The following HCN1 variants were observed in gnomAD, a reference collection of about 807,000 sequenced individuals.
The protein encoded by HCN1 is potassium/sodium hyperpolarization-activated cyclic nucleotide-gated channel 1.
A neutral mutation model predicts 78.9 loss-of-function variants in HCN1; 13 were observed. The ratio of observed to expected loss-of-function variants is 0.16; its 90% CI spans 0.11 to 0.26. The LOEUF is 0.26. Ranked by LOEUF, HCN1 falls within the 10% of genes least tolerant of loss-of-function variation. The probability of loss-of-function intolerance (pLI) is 1.00; values close to 1 mark genes in which losing one functional copy is unlikely to be tolerated. For missense variants in HCN1, 810 were observed against 1,154.3 expected, an observed-to-expected ratio of 0.70 and a Z score of 4.32; for synonymous variants, 552 against 455.5, an observed-to-expected ratio of 1.21 and a Z score of -2.70.
chr5:45,380,627 A>C (rs1442315836), intron 4 of HCN1, among the ~76,000 whole-genome samples: 1 of 152,094 alleles, frequency 6.6e-6, no homozygotes, highest in Non-Finnish European at 1.5e-5. Context: ...TTATGACAAA[A>C]AATAAAAACT....
At chr5:45,268,070 A>C (rs1744895710) in intron 6 of HCN1, among the ~76,000 whole-genome samples, 1 of 152,194 alleles carries the variant, frequency 6.6e-6, no homozygotes, top group African/African-American at 2.4e-5. Context: ...TGATCAAACA[A>C]AGCTAGACCA....
intron 2 of HCN1, among the ~76,000 whole-genome samples, chr5:45,548,806 T>A (rs1030525550): frequency 1.3e-5 from 2 of 152,070 alleles, no homozygotes; most frequent in African/African-American, 2.4e-5. Flanking sequence ...AGTCTCAGGA[T>A]ACAAAATCAA....
chr5:45,508,735 A>C (rs1346849889), intron 2 of HCN1, among the ~76,000 whole-genome samples: 4 of 152,174 alleles, frequency 2.6e-5, no homozygotes, highest in African/African-American at 9.7e-5. Flanking sequence ...CTAATAAAAA[A>C]GATTGTTTTA....
chr5:45,572,227 G>A (rs902006558), intron 2 of HCN1, among the ~76,000 whole-genome samples: 2 of 152,098 alleles, frequency 1.3e-5, no homozygotes, highest in Admixed American at 6.6e-5. Flanking sequence ...CATTCTAAAG[G>A]ATTTTAAATC....
chr5:45,378,039 A>G (rs1042194325), intron 4 of HCN1, among the ~76,000 whole-genome samples: 2 of 151,956 alleles, frequency 1.3e-5, no homozygotes, highest in African/African-American at 4.8e-5. Flanking sequence ...GGTCCAAAGG[A>G]GATTAATACA....
intron 3 of HCN1, among the ~76,000 whole-genome samples, chr5:45,446,506 G>A (rs1437732275): frequency 2.0e-5 from 3 of 152,106 alleles, no homozygotes; most frequent in Non-Finnish European, 4.4e-5. Context: ...AGCAAGGCAG[G>A]CCAACATTCA....
chr5:45,632,866 T>C (rs900526444), intron 2 of HCN1, among the ~76,000 whole-genome samples: 1 of 152,044 alleles, frequency 6.6e-6, no homozygotes, highest in Non-Finnish European at 1.5e-5. Flanking sequence ...AATATACTCA[T>C]GGAAAATGTG....
chr5:45,266,948 A>T, intron 7 of HCN1, 141 bp downstream of exon 7: 1 of 726,886 alleles, frequency 1.4e-6, no homozygotes, highest in Non-Finnish European at 2.5e-6. Flanking sequence ...ACCTCAAATG[A>T]TCCACCTGCC....
intron 3 of HCN1, among the ~76,000 whole-genome samples, chr5:45,444,964 G>A (rs921518759): frequency 6.6e-6 from 1 of 152,190 alleles, no homozygotes; most frequent in Non-Finnish European, 1.5e-5. Context: ...CAATGCAGAA[G>A]ACGGATAATT....
chr5:45,447,269 C>G (rs556972694), intron 3 of HCN1, among the ~76,000 whole-genome samples: 1 of 152,050 alleles, frequency 6.6e-6, no homozygotes, highest in Admixed American at 6.5e-5. Context: ...AGACCAGGTG[C>G]GGCTCTGTCA....
chr5:45,682,521 A>C (rs1739724085), intron 1 of HCN1, among the ~76,000 whole-genome samples: 1 of 151,898 alleles, frequency 6.6e-6, no homozygotes, highest in African/African-American at 2.4e-5. Flanking sequence ...AAAGTTAAGC[A>C]TAATATTGCT....
chr5:45,548,439 C>T (rs570322612), intron 2 of HCN1, among the ~76,000 whole-genome samples: 1 of 152,048 alleles, frequency 6.6e-6, no homozygotes, highest in African/African-American at 2.4e-5. Context: ...TCTTATTTAT[C>T]AACAGCCCTT....
intron 2 of HCN1, among the ~76,000 whole-genome samples, chr5:45,540,242 A>G (rs1255696986): frequency 6.6e-6 from 1 of 151,912 alleles, no homozygotes; most frequent in Non-Finnish European, 1.5e-5. Context: ...GATTTTTTCC[A>G]TGTAAGTACT....
In HCN1 at chr5:45,313,367, C is replaced by T. The variant is rs191729659; in HGVS notation, c.1378-9528G>A. Among the ~76,000 whole-genome samples the T allele has an allele frequency of 7.3e-4, 111 of 152,132 alleles. 1 individual carries two copies. In the East Asian group the frequency reaches 0.011, roughly 15 times the overall value. ...CATTCACACCAAAACCCCATCTGTA[C>T]GTCACCATCATCAAAGACCAAAGGT... On this transcript the variant is annotated intron_variant, in intron 5 of 7. Coordinates refer to ENST00000303230, the MANE Select transcript of HCN1 (RefSeq NM_021072.4).
chr5:45,376,142 A>T (rs1467590671), intron 4 of HCN1, among the ~76,000 whole-genome samples: 1 of 108,882 alleles, frequency 9.2e-6, no homozygotes, highest in Non-Finnish European at 1.7e-5. Flanking sequence ...AATATAATAT[A>T]TTATATATAA....
intron 4 of HCN1, among the ~76,000 whole-genome samples, chr5:45,394,811 C>CA (rs931370794): frequency 6.0e-4 from 86 of 144,056 alleles, no homozygotes; most frequent in South Asian, 6.5e-4. Context: ...GACTCCATTT[C>CA]AAAAAAAAAA....
At chr5:45,438,639 C>A (rs375722651) in intron 3 of HCN1, among the ~76,000 whole-genome samples, 1 of 150,332 alleles carries the variant, frequency 6.7e-6, no homozygotes, top group Non-Finnish European at 1.5e-5. Context: ...ACAACAACAA[C>A]AAAAACAACA....
chr5:45,277,699 T>C (rs1027397155), intron 6 of HCN1, among the ~76,000 whole-genome samples: 2 of 152,130 alleles, frequency 1.3e-5, no homozygotes, highest in Non-Finnish European at 2.9e-5. Context: ...AAATCTCTGA[T>C]AACTGGTTCA....
chr5:45,567,282 A>T (rs184244627), intron 2 of HCN1, among the ~76,000 whole-genome samples: 4 of 152,162 alleles, frequency 2.6e-5, no homozygotes, highest in Admixed American at 6.6e-5. Flanking sequence ...GTGTGCCAGA[A>T]ATTGTTCTTG....
Sources: allele counts gnomAD v4.1 joint callset (sites outside exome capture counted in the v4.1 genomes callset), GRCh38; gene constraint gnomAD v4.1.1; transcripts MANE v1.5; gene names NCBI Gene and HGNC (gene_info 2026-07-23, HGNC 2026-07-21).